PHF24: variants seen among roughly 807,000 people sequenced by gnomAD.
PHF24 encodes the protein PHD finger protein 24, also known as Galpha inhibitory interacting protein.
PHF24 carries 25 observed loss-of-function variants against 42.6 expected under a neutral mutation model. The ratio of observed to expected loss-of-function variants is 0.59; its 90% confidence interval spans 0.43 to 0.82. The LOEUF (loss-of-function observed/expected upper bound fraction) is 0.82, where lower values mean the gene tolerates loss of function less well. PHF24 is among the 40% of genes least tolerant of loss of function. The probability of loss-of-function intolerance (pLI) is 0.00; values close to 1 mark genes in which losing one functional copy is unlikely to be tolerated. For synonymous variants in PHF24, 185 were observed against 204.8 expected (o/e 0.90, Z 0.83); for missense variants, 470 against 538.1 (o/e 0.87, Z 1.25).
the PHF24 span, among the ~76,000 whole-genome samples, chr9:34,742,100 C>T: frequency 0.089 from 13,513 of 151,926 alleles, 1,768 homozygotes; most frequent in African/African-American, 0.28. Flanking sequence ...ATTGAAATGC[C>T]CAAGAGAATA....
chr9:34,913,197 G>T, the PHF24 span, among the ~76,000 whole-genome samples: 4 of 152,094 alleles, frequency 2.6e-5, no homozygotes, highest in Non-Finnish European at 5.9e-5. Context: ...GGACTTTGGG[G>T]ACAATATCAA....
the PHF24 span, among the ~76,000 whole-genome samples, chr9:34,866,406 A>G: frequency 2.0e-5 from 3 of 152,154 alleles, no homozygotes; most frequent in African/African-American, 7.2e-5. Flanking sequence ...GATATAGCTC[A>G]TGAAACACCT....
chr9:34,906,792 A>G, the PHF24 span, among the ~76,000 whole-genome samples: 2 of 152,208 alleles, frequency 1.3e-5, no homozygotes, highest in African/African-American at 2.4e-5. Context: ...AAGAAATGCA[A>G]TGCAGTTGTC....
the PHF24 span, among the ~76,000 whole-genome samples, chr9:34,674,564 TA>T: frequency 6.6e-6 from 1 of 152,264 alleles, no homozygotes; most frequent in Non-Finnish European, 1.5e-5. Context: ...TGTATTCCAA[TA>T]AAACTCTATT....
the PHF24 span, among the ~76,000 whole-genome samples, chr9:34,878,839 C>T: frequency 6.6e-6 from 1 of 152,198 alleles, no homozygotes; most frequent in South Asian, 2.1e-4. Flanking sequence ...CTTAAACATC[C>T]CTGTCTGACA....
At chr9:34,771,318 A>G in the PHF24 span, among the ~76,000 whole-genome samples, 1 of 152,242 alleles carries the variant, frequency 6.6e-6, no homozygotes, top group Non-Finnish European at 1.5e-5. Context: ...CTATAAATCT[A>G]TACAGCATGT....
the PHF24 span, among the ~76,000 whole-genome samples, chr9:34,940,084 G>A: frequency 6.6e-6 from 1 of 152,180 alleles, no homozygotes; most frequent in African/African-American, 2.4e-5. Context: ...AGGCACAGAG[G>A]GAGGTGGGGG....
At chr9:34,682,045 G>T in the PHF24 span, among the ~76,000 whole-genome samples, 2 of 14,060 alleles carry the variant, frequency 1.4e-4, no homozygotes, top group African/African-American at 4.0e-4. Context: ...CATGGTCACG[G>T]CTCACTGCAG....
intron 1 of PHF24, among the ~76,000 whole-genome samples, chr9:34,966,420 T>C (rs1826769398): frequency 6.6e-6 from 1 of 152,122 alleles, no homozygotes; most frequent in African/African-American, 2.4e-5. Context: ...ACCCTGTCTC[T>C]TTAAAAATTT....
chr9:34,883,105 C>G, the PHF24 span, among the ~76,000 whole-genome samples: 7 of 152,118 alleles, frequency 4.6e-5, no homozygotes, highest in African/African-American at 7.2e-5. Context: ...GAAAAACAAG[C>G]AATGGGGAAA....
the PHF24 span, among the ~76,000 whole-genome samples, chr9:34,816,189 TC>T: frequency 6.6e-6 from 1 of 152,190 alleles, no homozygotes; most frequent in Non-Finnish European, 1.5e-5. Flanking sequence ...GCATACACCA[TC>T]CTGTGCTGAA....
chr9:34,805,376 C>G, the PHF24 span, among the ~76,000 whole-genome samples: 11 of 152,198 alleles, frequency 7.2e-5, no homozygotes, highest in African/African-American at 1.9e-4. Context: ...TTGTTGTTAT[C>G]TGACTTTTTG....
the PHF24 span, among the ~76,000 whole-genome samples, chr9:34,823,536 C>G: frequency 6.6e-6 from 1 of 152,256 alleles, no homozygotes; most frequent in East Asian, 1.9e-4. Flanking sequence ...CCCTACCTGT[C>G]ACCTAGAGCC....
chr9:34,761,090 T>C, the PHF24 span, among the ~76,000 whole-genome samples: 2 of 152,076 alleles, frequency 1.3e-5, no homozygotes, highest in Admixed American at 1.3e-4. Context: ...CTGTAGAATA[T>C]GTGGTGCTTG....
chr9:34,721,994 T>C, the PHF24 span, among the ~76,000 whole-genome samples: 1 of 152,176 alleles, frequency 6.6e-6, no homozygotes, highest in Non-Finnish European at 1.5e-5. Flanking sequence ...TTTCTTAACA[T>C]AGAAGAGTCT....
the PHF24 span, chr9:34,918,391 G>A: frequency 3.2e-6 from 2 of 625,856 alleles, no homozygotes; most frequent in South Asian, 1.8e-5. Flanking sequence ...AACTCGAAGG[G>A]TGAATACCAA....
chr9:34,690,039 G>T, the PHF24 span: 7 of 1,611,360 alleles, frequency 4.3e-6, no homozygotes, highest in Non-Finnish European at 5.9e-6. Context: ...GTGAGAGGCC[G>T]GAGAGAATGG....
the PHF24 span, among the ~76,000 whole-genome samples, chr9:34,915,026 CTTTTTTT>C: frequency 4.0e-4 from 15 of 37,454 alleles, no homozygotes; most frequent in East Asian, 4.1e-3. Context: ...TTTTTCTTTT[CTTTTTTT>C]TTTTTTTTTT....
the PHF24 span, among the ~76,000 whole-genome samples, chr9:34,818,075 T>TCTG: frequency 6.6e-6 from 1 of 152,238 alleles, no homozygotes; most frequent in Non-Finnish European, 1.5e-5. Context: ...ACTCACTAGT[T>TCTG]CTGCTATCTT....
Sources: gnomAD v4.1 joint callset for allele counts (sites outside exome capture counted in the v4.1 genomes callset) on GRCh38, gnomAD v4.1.1 for gene constraint, MANE v1.5 for transcripts, NCBI Gene and HGNC (gene_info 2026-07-23, HGNC 2026-07-21) for gene names.